SIMC1: variants seen among roughly 807,000 people sequenced by gnomAD.
The protein encoded by SIMC1 is SUMO interacting motifs containing 1, also known as SUMO-interacting motif-containing protein 1.
A neutral mutation model predicts 82.3 loss-of-function variants in SIMC1; 55 were observed. That is an observed-to-expected ratio of 0.67 (90% CI 0.54 to 0.84). SIMC1 has a LOEUF of 0.84. Ranked by LOEUF, SIMC1 falls within the 40% of genes least tolerant of loss-of-function variation. The pLI is 0.00. For synonymous variants in SIMC1, 353 were observed against 426.3 expected (o/e 0.83, Z 2.12); for missense variants, 915 against 1,107.2 (o/e 0.83, Z 2.46).
At chr5:176,319,409 C>T (rs769958608) in intron 5 of SIMC1, among the ~76,000 whole-genome samples, 10 of 152,130 alleles carry the variant, frequency 6.6e-5, no homozygotes, top group Non-Finnish European at 1.3e-4. Context: ...CGGCATGTGC[C>T]TGTAGTCCCA....
At chr5:176,265,375 A>C (rs1762164839) in intron 1 of SIMC1, among the ~76,000 whole-genome samples, 1 of 152,212 alleles carries the variant, frequency 6.6e-6, no homozygotes, top group African/African-American at 2.4e-5. Context: ...ATTAACCAAA[A>C]ACTGTGAACA....
intron 1 of SIMC1, among the ~76,000 whole-genome samples, chr5:176,275,700 A>G (rs1420432385): frequency 6.6e-6 from 1 of 151,880 alleles, no homozygotes; most frequent in Non-Finnish European, 1.5e-5. Flanking sequence ...GAATTTTGTC[A>G]ACAACCTTTT....
chr5:176,252,435 G>A (rs1445899813), intron 1 of SIMC1, among the ~76,000 whole-genome samples: 1 of 151,356 alleles, frequency 6.6e-6, no homozygotes, highest in African/African-American at 2.4e-5. Flanking sequence ...GGGCGGCCGG[G>A]CAGAGACGCT....
At chr5:176,303,127 G>A (rs1215186395) in intron 4 of SIMC1, among the ~76,000 whole-genome samples, 1 of 151,968 alleles carries the variant, frequency 6.6e-6, no homozygotes, top group Non-Finnish European at 1.5e-5. Flanking sequence ...CTTTAGCCGG[G>A]CATGATGGTG....
At chr5:176,257,527 C>T in intron 1 of SIMC1, among the ~76,000 whole-genome samples, 1 of 152,044 alleles carries the variant, frequency 6.6e-6, no homozygotes. Flanking sequence ...TGCAAAGGTG[C>T]CACAGACTCA....
At chr5:176,241,892 C>T (rs910426433) in intron 1 of SIMC1, among the ~76,000 whole-genome samples, 23 of 151,942 alleles carry the variant, frequency 1.5e-4, no homozygotes, top group Admixed American at 5.2e-4. Context: ...AGCTGCAGAC[C>T]TCTATCTACG....
intron 1 of SIMC1, among the ~76,000 whole-genome samples, chr5:176,281,412 C>A (rs939231420): frequency 1.3e-5 from 2 of 152,080 alleles, no homozygotes; most frequent in Non-Finnish European, 2.9e-5. Context: ...TCGTCTGAAA[C>A]CTTCTTCTCT....
In SIMC1 at chr5:176,345,206, G is replaced by A. The variant is rs756267817; in HGVS notation, c.2437G>A (p.Asp813Asn). ...LREHLRSSVIDRKDLIIKRIK... is the reference protein window; with the variant it reads ...LREHLRSSVINRKDLIIKRIK... Reference sequence around the variant, plus strand: ...AGAACACTTAAGGAGTTCCGTGATCGACCGAAAGGACTTAATAATCAAAAG... The same window carrying A: ...AGAACACTTAAGGAGTTCCGTGATCAACCGAAAGGACTTAATAATCAAAAG... Residue 813 changes from aspartate (D) to asparagine (N), a missense_variant, in exon 10 of 10, where the codon GAC becomes AAC. Physicochemically the swap from Asp to Asn is conservative, Grantham distance 23 (BLOSUM62 1). Transcript: ENST00000429602. The A allele has an allele frequency of 3.8e-5, 62 of 1,613,592 alleles. No individual in the cohort carries two copies. Among genetic ancestry groups the A allele is most frequent in the Non-Finnish European group, 5.3e-5 (62 of 1,179,796 alleles).
At chr5:176,249,637 G>T (rs1182173542) in intron 1 of SIMC1, among the ~76,000 whole-genome samples, 1 of 151,850 alleles carries the variant, frequency 6.6e-6, no homozygotes, top group South Asian at 2.1e-4. Context: ...TCAGGAGATC[G>T]AGACCATCCT....
At chr5:176,315,945 C>A (rs1035236635) in intron 5 of SIMC1, among the ~76,000 whole-genome samples, 1 of 151,766 alleles carries the variant, frequency 6.6e-6, no homozygotes, top group African/African-American at 2.4e-5. Flanking sequence ...GAGGCCAAGG[C>A]GGGCAGATCA....
At chr5:176,328,960 T>C (rs1032266760) in intron 7 of SIMC1, among the ~76,000 whole-genome samples, 1 of 152,200 alleles carries the variant, frequency 6.6e-6, no homozygotes, top group Non-Finnish European at 1.5e-5. Flanking sequence ...CACAGGAAAT[T>C]GCAAAACCTA....
chr5:176,275,584 A>C (rs1762649636), intron 1 of SIMC1, among the ~76,000 whole-genome samples: 1 of 151,742 alleles, frequency 6.6e-6, no homozygotes, highest in African/African-American at 2.4e-5. Flanking sequence ...GTTTTTGCCC[A>C]TTCAGTATGA....
Position 176,321,805 on chromosome 5 carries a change from A to C in SIMC1, c.1890-468A>C, listed in dbSNP as rs552256675. On this transcript the variant is annotated intron_variant, in intron 5 of 9. Coordinates refer to ENST00000429602, the MANE Select transcript of SIMC1 (RefSeq NM_001308195.2). ...GGTTTAGGAATGTTCCTGGTCAGGA[A>C]GGCACAGATAGTACTATTTTACCCT... 5.9e-5 allele frequency among the ~76,000 whole-genome samples: 9 copies of C among 152,040 alleles called. No individual in the cohort carries two copies. In the South Asian group the frequency reaches 1.9e-3, roughly 32 times the overall value.
rs763476126 is a variant in SIMC1 at position 176,296,267 on chromosome 5, G to A, written c.1681G>A (p.Ala561Thr). The A allele has an allele frequency of 3.1e-6, 5 of 1,613,250 alleles. No homozygotes were observed. The South Asian group carries it at 4.4e-5, about 14-fold the overall frequency. ...MKIQQLHPAN[A>T]KTVEWDWKLL... ...GACTTTCAGGCTACATCCAGCCAAT[G>A]CCAAGACAGTGGAGTGGGACTGGAA... The change falls in exon 4 of 10, where the codon GCC becomes ACC. Residue 561 changes from alanine to threonine, a missense_variant. Physicochemically the swap from Ala to Thr is moderately conservative, Grantham distance 58. Around this residue, in one of 2 missense-constraint regions of SIMC1, gnomAD observed 902 missense variants for 1,040.3 expected, o/e 0.87. Transcript: ENST00000429602.
At chr5:176,291,725 G>T (rs569830423) in intron 2 of SIMC1, among the ~76,000 whole-genome samples, 2 of 152,178 alleles carry the variant, frequency 1.3e-5, no homozygotes, top group South Asian at 4.2e-4. Flanking sequence ...TAATCCACCC[G>T]CCTCAGCCTC....
rs1368375383 is a variant in SIMC1 at position 176,322,276 on chromosome 5, T to G, written c.1893T>G (p.Asp631Glu). ...SCDKQPHNVR[D>E]VIKWLVKAVT... Reference sequence around the variant, plus strand: ...TTCTTTCTTTTTTCCATTACAGGGATGTTATCAAGTGGCTGGTCAAAGCAG... The same window carrying G: ...TTCTTTCTTTTTTCCATTACAGGGAGGTTATCAAGTGGCTGGTCAAAGCAG... Residue 631 changes from aspartate to glutamate, a missense_variant, in exon 6 of 10, where the codon GAT (aspartate) becomes GAG (glutamate). Asp to Glu is a conservative substitution (Grantham distance 45). Around this residue, in one of 2 missense-constraint regions of SIMC1, gnomAD observed 902 missense variants for 1,040.3 expected, o/e 0.87. Coordinates refer to ENST00000429602, the MANE Select transcript of SIMC1 (RefSeq NM_001308195.2). 6.4e-7 allele frequency: 1 copy of G among 1,558,672 alleles called. No individual in the cohort carries two copies. The highest frequency in any genetic ancestry group is 1.2e-5 in the South Asian group (1 of 84,510).
intron 1 of SIMC1, among the ~76,000 whole-genome samples, chr5:176,248,795 A>T (rs2113112726): frequency 6.6e-6 from 1 of 152,220 alleles, no homozygotes; most frequent in Admixed American, 6.5e-5. Context: ...CACCTAGTTT[A>T]TGGAGAGTTT....
intron 1 of SIMC1, among the ~76,000 whole-genome samples, chr5:176,251,329 C>T (rs1254210004): frequency 6.6e-6 from 1 of 152,174 alleles, no homozygotes; most frequent in Non-Finnish European, 1.5e-5. Context: ...CACTGCACTC[C>T]AGCCTGGCGA....
intron 1 of SIMC1, among the ~76,000 whole-genome samples, chr5:176,285,434 A>G (rs965050954): frequency 6.6e-5 from 10 of 152,376 alleles, no homozygotes; most frequent in African/African-American, 2.2e-4. Flanking sequence ...ACAAAATTCA[A>G]CAGCACTTCA....
Sources: gnomAD v4.1 joint callset for allele counts (sites outside exome capture counted in the v4.1 genomes callset) on GRCh38, gnomAD v4.1.1 for gene constraint, gnomAD v4.1.1 regional missense constraint, MANE v1.5 for transcripts, NCBI Gene and HGNC (gene_info 2026-07-23, HGNC 2026-07-21) for gene names.